Variants in RAD54L2 observed in about 807,000 individuals in gnomAD.
RAD54L2 encodes RAD54 like 2.
RAD54L2 carries 27 observed loss-of-function variants against 138.4 expected under a neutral mutation model. The ratio of observed to expected loss-of-function variants is 0.20; its 90% CI spans 0.14 to 0.27. The LOEUF is 0.27. Ranked by LOEUF, RAD54L2 falls within the 10% of genes least tolerant of loss-of-function variation. The probability of loss-of-function intolerance (pLI) is 1.00; values close to 1 mark genes in which losing one functional copy is unlikely to be tolerated. For missense variants in RAD54L2, 1,396 were observed against 1,890.2 expected (o/e 0.74, Z 4.85); for synonymous variants, 644 against 723.2 (o/e 0.89, Z 1.76).
Position 51,665,878 on chromosome 3 carries a change from C to T in RAD54L2, c.*2458C>T, listed in dbSNP as rs1297879112. On this transcript the variant is annotated 3_prime_UTR_variant, in exon 23 of 23. Coordinates refer to ENST00000684192, the MANE Select transcript of RAD54L2 (RefSeq NM_015106.4). ...TGTTCACTTCTAGGAAATCACTGTA[C>T]TAGCCTCCAAGAATCCGGAAACCTT... is the stretch of plus-strand genomic sequence containing the variant. 1 of 152,222 alleles carries T rather than the reference C, an allele frequency of 6.6e-6. No individual in the cohort carries two copies. The highest frequency in any genetic ancestry group is 1.5e-5 in the Non-Finnish European group (1 of 68,040). The allele number at this position is 152,222 out of a possible 1,614,324, so 9.4% of individuals were successfully genotyped here.
intron 3 of RAD54L2, among the ~76,000 whole-genome samples, chr3:51,613,635 C>T (rs1401993910): frequency 3.9e-5 from 6 of 151,930 alleles, no homozygotes; most frequent in South Asian, 2.1e-4. Flanking sequence ...GGCATGGTGG[C>T]GTGCACCTGT....
intron 3 of RAD54L2, among the ~76,000 whole-genome samples, chr3:51,608,771 C>T (rs1045050321): frequency 6.6e-6 from 1 of 152,180 alleles, no homozygotes; most frequent in South Asian, 2.1e-4. Context: ...GCCGAGATGA[C>T]GGCAGTACAG....
intron 3 of RAD54L2, among the ~76,000 whole-genome samples, chr3:51,619,309 G>A (rs760522535): frequency 6.6e-6 from 1 of 152,086 alleles, no homozygotes; most frequent in Non-Finnish European, 1.5e-5. Context: ...CGTCTGCCTT[G>A]GCCTCCCAAA....
intron 2 of RAD54L2, among the ~76,000 whole-genome samples, chr3:51,568,984 T>C (rs1699276907): frequency 1.3e-5 from 2 of 152,132 alleles, no homozygotes; most frequent in Non-Finnish European, 2.9e-5. Context: ...TCCAAACAAA[T>C]GGGGTCAGCA....
chr3:51,650,328 A>G (rs917678188), intron 19 of RAD54L2, among the ~76,000 whole-genome samples: 1 of 152,298 alleles, frequency 6.6e-6, no homozygotes, highest in East Asian at 1.9e-4. Context: ...CTCCCACACA[A>G]TAATAATGGG....
chr3:51,580,248 C>T (rs962300417), intron 2 of RAD54L2, among the ~76,000 whole-genome samples: 5 of 152,170 alleles, frequency 3.3e-5, no homozygotes, highest in African/African-American at 1.2e-4. Context: ...TTAGGTTTAC[C>T]TGTTTCTCAT....
At chr3:51,569,689 C>G (rs1423147405) in intron 2 of RAD54L2, among the ~76,000 whole-genome samples, 1 of 151,054 alleles carries the variant, frequency 6.6e-6, no homozygotes, top group African/African-American at 2.4e-5. Context: ...GTCTAATTCT[C>G]TCTGTTTTTG....
At chr3:51,601,395 C>A (rs907613236) in intron 3 of RAD54L2, among the ~76,000 whole-genome samples, 7 of 151,194 alleles carry the variant, frequency 4.6e-5, no homozygotes, top group Non-Finnish European at 7.4e-5. Flanking sequence ...GCAACCTCTG[C>A]CTCAGGGGTT....
At chr3:51,571,690 G>T (rs1479263204) in intron 2 of RAD54L2, among the ~76,000 whole-genome samples, 2 of 152,042 alleles carry the variant, frequency 1.3e-5, no homozygotes, top group Non-Finnish European at 2.9e-5. Context: ...TTTATCTGAT[G>T]AGTGGTGGGA....
chr3:51,588,075 A>G (rs1164633316), intron 2 of RAD54L2, among the ~76,000 whole-genome samples: 5 of 150,512 alleles, frequency 3.3e-5, no homozygotes, highest in African/African-American at 1.2e-4. Context: ...AGTCCCAGCT[A>G]CTTGGGAGGC....
intron 14 of RAD54L2, among the ~76,000 whole-genome samples, chr3:51,640,911 G>A (rs1233136691): frequency 1.3e-5 from 2 of 152,214 alleles, no homozygotes; most frequent in East Asian, 3.9e-4. Context: ...TGTGGTGGTA[G>A]TCGTAAGTAT....
intron 2 of RAD54L2, among the ~76,000 whole-genome samples, chr3:51,545,684 A>G (rs1175331711): frequency 6.6e-6 from 1 of 151,892 alleles, no homozygotes; most frequent in African/African-American, 2.4e-5. Context: ...GGCTCGAGCA[A>G]TCCTTTCACC....
chr3:51,631,507 A>ATT (rs1163836924), intron 7 of RAD54L2, among the ~76,000 whole-genome samples: 29 of 133,972 alleles, frequency 2.2e-4, no homozygotes, highest in East Asian at 6.4e-4. Flanking sequence ...CACCCAGCCA[A>ATT]TTTTTTTTTT....
Position 51,663,431 on chromosome 3 carries a change from C to T in RAD54L2, c.*11C>T. 6.2e-7 allele frequency: 1 copy of T among 1,602,754 alleles called. No individual in the cohort carries two copies. Among genetic ancestry groups the T allele is most frequent in the Non-Finnish European group, 8.5e-7 (1 of 1,172,182 alleles). On this transcript the variant is annotated 3_prime_UTR_variant, in exon 23 of 23. Coordinates refer to ENST00000684192, the MANE Select transcript of RAD54L2 (RefSeq NM_015106.4). ...GTCACTGGGAAATAGCTAGGGAGCC[C>T]CTCCCCACCTCACTTGGGGCCCCCA...
intron 21 of RAD54L2, among the ~76,000 whole-genome samples, chr3:51,658,862 C>T (rs1349161401): frequency 1.3e-5 from 2 of 151,942 alleles, no homozygotes; most frequent in Non-Finnish European, 2.9e-5. Flanking sequence ...AGCCTGCTAC[C>T]TGTTATAATA....
In RAD54L2 at chr3:51,572,041, C is replaced by T. The variant is rs560314711; in HGVS notation, c.-54-18326C>T. ...ACACTTTCTTTCTCATCTATCTTTG[C>T]TAGTATTCACTTGTCACTGTTTTCT... On this transcript the variant is annotated intron_variant, in intron 2 of 22. Transcript: ENST00000684192. Among the ~76,000 whole-genome samples, 16 of 152,242 alleles carry T rather than the reference C, an allele frequency of 1.1e-4. No homozygotes were observed. The South Asian group carries it at 1.7e-3, about 16-fold the overall frequency.
Position 51,571,625 on chromosome 3 carries a change from C to G in RAD54L2, c.-54-18742C>G, listed in dbSNP as rs192388302. 3.7e-3 allele frequency among the ~76,000 whole-genome samples: 567 copies of G among 152,122 alleles called. 2 individuals are homozygous for G. The highest frequency in any genetic ancestry group is 0.013 in the African/African-American group (531 of 41,514). On this transcript the variant is annotated intron_variant, in intron 2 of 22. Transcript: ENST00000684192. ...TCAGGTGACCTGCACACCTGGGCCT[C>G]CCAAAGTGCTGGGATTACAGGCGTG...
chr3:51,575,882 A>G (rs920140246), intron 2 of RAD54L2, among the ~76,000 whole-genome samples: 10 of 152,198 alleles, frequency 6.6e-5, no homozygotes, highest in South Asian at 2.1e-4. Flanking sequence ...TTCCAACACT[A>G]TGTTGGATAG....
At chr3:51,584,383 G>T (rs142950132) in intron 2 of RAD54L2, among the ~76,000 whole-genome samples, 1 of 152,036 alleles carries the variant, frequency 6.6e-6, no homozygotes, top group Non-Finnish European at 1.5e-5. Context: ...TTGAGCTGTT[G>T]TGTCAGTTTA....
Sources: allele counts gnomAD v4.1 joint callset (sites outside exome capture counted in the v4.1 genomes callset), GRCh38; gene constraint gnomAD v4.1.1; transcripts MANE v1.5; gene names NCBI Gene and HGNC (gene_info 2026-07-23, HGNC 2026-07-21).